The following CCDC149 variants were observed in gnomAD, a reference collection of about 807,000 sequenced individuals.
CCDC149 encodes the protein coiled-coil domain containing 149, also known as coiled-coil domain-containing protein 149.
CCDC149 carries 45 observed loss-of-function variants against 59.9 expected under a neutral mutation model. The ratio of observed to expected loss-of-function variants is 0.75; its 90% CI spans 0.59 to 0.96. CCDC149 has a LOEUF of 0.96. Among genes scored for constraint, CCDC149 ranks in the 40% least tolerant of loss-of-function variants. CCDC149 has a pLI of 0.00. For synonymous variants in CCDC149, 245 were observed against 260.6 expected (o/e 0.94, Z 0.58); for missense variants, 584 against 664.7 (o/e 0.88, Z 1.33).
Position 24,819,981 on chromosome 4 carries a change from G to T in CCDC149, c.1076-6C>A. The T allele has an allele frequency of 1.3e-6, 2 of 1,542,648 alleles. No homozygotes were observed. Among genetic ancestry groups the T allele is most frequent in the Non-Finnish European group, 1.8e-6 (2 of 1,140,880 alleles). On this transcript the variant is annotated splice_region_variant and splice_polypyrimidine_tract_variant and intron_variant, in intron 11 of 12. Transcript: ENST00000635206. ...CAGTATGGTGTCCTTGCCCCCTGTT[G>T]CAGAAAAGAGGAAAATGGATGTCTT...
chr4:24,815,857 G>A (rs1714981552), intron 12 of CCDC149, among the ~76,000 whole-genome samples: 1 of 152,088 alleles, frequency 6.6e-6, no homozygotes, highest in Non-Finnish European at 1.5e-5. Flanking sequence ...GCAGGGGGGT[G>A]CGTGTGGGGC....
intron 1 of CCDC149, among the ~76,000 whole-genome samples, chr4:24,925,173 A>G (rs1360901097): frequency 6.6e-6 from 1 of 152,158 alleles, no homozygotes; most frequent in Non-Finnish European, 1.5e-5. Flanking sequence ...GCATTGGATA[A>G]CTGCTGTAGA....
At chr4:24,844,828 G>T (rs2109161472) in intron 4 of CCDC149, among the ~76,000 whole-genome samples, 1 of 152,216 alleles carries the variant, frequency 6.6e-6, no homozygotes, top group East Asian at 1.9e-4. Flanking sequence ...ACAGTGCCCT[G>T]GGCCCAAAGC....
chr4:24,815,334 A>C, intron 12 of CCDC149, among the ~76,000 whole-genome samples: 1 of 152,200 alleles, frequency 6.6e-6, no homozygotes, highest in South Asian at 2.1e-4. Context: ...TCAGGGAAGC[A>C]ATCACATAAT....
At chr4:24,838,301 A>C (rs1716683858) in intron 4 of CCDC149, 29 bp from the exon 5 acceptor site, 4 of 1,533,246 alleles carry the variant, frequency 2.6e-6, no homozygotes, top group Non-Finnish European at 3.6e-6. Flanking sequence ...GAAAAAGAAA[A>C]AGGCACAGAG....
intron 1 of CCDC149, among the ~76,000 whole-genome samples, chr4:24,896,653 T>C (rs1708094896): frequency 6.6e-6 from 1 of 152,088 alleles, no homozygotes. Context: ...AAATTCCAGT[T>C]TGGAAGGAAG....
chr4:24,952,168 A>G (rs1412378429), intron 1 of CCDC149, among the ~76,000 whole-genome samples: 2 of 152,184 alleles, frequency 1.3e-5, no homozygotes, highest in African/African-American at 4.8e-5. Flanking sequence ...ACGTGTACAC[A>G]TCTGTGTGCA....
At chr4:24,855,785 T>G (rs952531550) in intron 3 of CCDC149, among the ~76,000 whole-genome samples, 1 of 152,186 alleles carries the variant, frequency 6.6e-6, no homozygotes, top group African/African-American at 2.4e-5. Flanking sequence ...AAAAATTTAG[T>G]GATGGATGAG....
chr4:24,951,149 G>A (rs891888350), intron 1 of CCDC149, among the ~76,000 whole-genome samples: 4 of 152,198 alleles, frequency 2.6e-5, no homozygotes, highest in Admixed American at 6.5e-5. Context: ...GCTGTCACCC[G>A]GGCTGCAGGC....
chr4:24,822,418 T>C, intron 10 of CCDC149, 79 bp downstream of exon 10: 1 of 911,148 alleles, frequency 1.1e-6, no homozygotes, highest in Non-Finnish European at 1.6e-6. Context: ...AGAAGACTCT[T>C]GTAAATTACG....
chr4:24,979,707 C>G (rs371513040), intron 1 of CCDC149, among the ~76,000 whole-genome samples: 1 of 152,190 alleles, frequency 6.6e-6, no homozygotes, highest in East Asian at 1.9e-4. Context: ...CAGAGTGCAA[C>G]GGAAAGAAAA....
At chr4:24,835,274 G>A (rs1716443800) in intron 7 of CCDC149, among the ~76,000 whole-genome samples, 1 of 152,166 alleles carries the variant, frequency 6.6e-6, no homozygotes, top group Non-Finnish European at 1.5e-5. Context: ...ACAGTCCCCT[G>A]TATACAAAAA....
intron 1 of CCDC149, among the ~76,000 whole-genome samples, chr4:24,921,046 T>C (rs1182246882): frequency 6.6e-6 from 1 of 152,182 alleles, no homozygotes; most frequent in African/African-American, 2.4e-5. Context: ...TGTTTCAACT[T>C]TGCTAAAAAT....
chr4:24,956,392 T>TTC (rs397958648), intron 1 of CCDC149, among the ~76,000 whole-genome samples: 7 of 151,694 alleles, frequency 4.6e-5, no homozygotes, highest in Admixed American at 3.3e-4. Context: ...TTCTGACTCT[T>TTC]CTCCAGCCTA....
At chr4:24,828,630 A>C (rs1715915207) in intron 9 of CCDC149, 1 of 151,968 alleles carries the variant, frequency 6.6e-6, no homozygotes, top group African/African-American at 2.4e-5. Flanking sequence ...AAATACAAAA[A>C]ATTAGTCAGG....
intron 1 of CCDC149, among the ~76,000 whole-genome samples, chr4:24,953,390 G>C (rs915602254): frequency 5.9e-5 from 9 of 152,036 alleles, no homozygotes; most frequent in African/African-American, 2.2e-4. Flanking sequence ...CTTCATTTTT[G>C]TCTTTTCTGC....
chr4:24,912,783 G>C, intron 1 of CCDC149, 34 bp downstream of exon 1: 1 of 1,277,024 alleles, frequency 7.8e-7, no homozygotes, highest in African/African-American at 1.6e-5. Flanking sequence ...CGCTCGGCCC[G>C]GCCCATCCCG....
At chr4:24,863,906 C>T (rs184874203) in intron 3 of CCDC149, among the ~76,000 whole-genome samples, 47 of 152,350 alleles carry the variant, frequency 3.1e-4, no homozygotes, top group African/African-American at 9.4e-4. Context: ...CAGGACACAG[C>T]GGTAAGGATG....
chr4:24,865,332 A>G (rs1173709697), intron 3 of CCDC149, among the ~76,000 whole-genome samples: 1 of 152,238 alleles, frequency 6.6e-6, no homozygotes, highest in Non-Finnish European at 1.5e-5. Context: ...AAAATGTTTG[A>G]TGAAACATCA....
Sources: gnomAD v4.1 joint callset for allele counts (sites outside exome capture counted in the v4.1 genomes callset) on GRCh38, gnomAD v4.1.1 for gene constraint, MANE v1.5 for transcripts, NCBI Gene and HGNC (gene_info 2026-07-23, HGNC 2026-07-21) for gene names.